Variants in ARLN observed in about 807,000 individuals in gnomAD.
ARLN encodes allregulin.
the ARLN span, among the ~76,000 whole-genome samples, chr4:119,299,150 G>A: frequency 5.9e-5 from 9 of 152,014 alleles, no homozygotes; most frequent in African/African-American, 9.7e-5. Flanking sequence ...ATAGTGGCAC[G>A]TTCACAGCTC....
At chr4:119,300,022 C>T in the ARLN span, among the ~76,000 whole-genome samples, 3 of 152,046 alleles carry the variant, frequency 2.0e-5, no homozygotes, top group African/African-American at 4.8e-5. Flanking sequence ...AAAAATAAAG[C>T]TCCAAAAGGC....
the ARLN span, chr4:119,300,208 C>T: frequency 4.0e-6 from 3 of 753,206 alleles, no homozygotes; most frequent in Non-Finnish European, 4.5e-6. Context: ...CACCCGACTG[C>T]GCCACTCACC....
chr4:119,300,542 C>T, the ARLN span: 1 of 1,614,192 alleles, frequency 6.2e-7, no homozygotes, highest in Non-Finnish European at 8.5e-7. Context: ...CCATCTCGCT[C>T]CTGCAGCTTC....
At chr4:119,302,033 C>T in the ARLN span, among the ~76,000 whole-genome samples, 1 of 152,160 alleles carries the variant, frequency 6.6e-6, no homozygotes, top group African/African-American at 2.4e-5. Flanking sequence ...GCTTAAGTGG[C>T]ATTGAATCTT....
the ARLN span, chr4:119,298,608 C>A: frequency 2.0e-6 from 1 of 502,958 alleles, no homozygotes; most frequent in Non-Finnish European, 3.6e-6. Flanking sequence ...AAATCCTACC[C>A]AATTAATAGA....
chr4:119,299,838 T>C, the ARLN span, among the ~76,000 whole-genome samples: 2 of 152,182 alleles, frequency 1.3e-5, no homozygotes, highest in Non-Finnish European at 2.9e-5. Context: ...AGTTCAGTTT[T>C]GGACATGTTT....
the ARLN span, chr4:119,298,253 CATA>C: frequency 6.6e-6 from 1 of 152,206 alleles, no homozygotes; most frequent in Non-Finnish European, 1.5e-5. Flanking sequence ...CCTATCTTTT[CATA>C]ACAGAGTCCA....
chr4:119,304,268 A>ACTT, the ARLN span: 1 of 1,536,440 alleles, frequency 6.5e-7, no homozygotes. Context: ...TTCACATTTA[A>ACTT]CTTGTCTCCA....
At chr4:119,300,712 C>G in the ARLN span, 1 of 1,526,944 alleles carries the variant, frequency 6.5e-7, no homozygotes, top group Non-Finnish European at 8.8e-7. Context: ...CCTGGCTCGG[C>G]TTTCCGCTGC....
At chr4:119,300,966 GC>G in the ARLN span, 4 of 642,396 alleles carry the variant, frequency 6.2e-6, no homozygotes, top group Non-Finnish European at 1.0e-5. Flanking sequence ...TGTTAGGAAG[GC>G]CCCCTCTGGT....
At chr4:119,298,517 C>T in the ARLN span, 9 of 384,270 alleles carry the variant, frequency 2.3e-5, no homozygotes, top group Non-Finnish European at 4.2e-5. Flanking sequence ...ATATTCAGCC[C>T]CTGTAAAGCC....
chr4:119,303,003 T>A, the ARLN span, among the ~76,000 whole-genome samples: 1 of 152,188 alleles, frequency 6.6e-6, no homozygotes, highest in African/African-American at 2.4e-5. Context: ...TTAAATTAAT[T>A]TTATAGAATA....
chr4:119,300,299 C>T, the ARLN span: 1 of 1,539,508 alleles, frequency 6.5e-7, no homozygotes. Flanking sequence ...GATCTCTAAG[C>T]TCCTTACCAC....
chr4:119,297,241 T>C, the ARLN span: 1 of 152,190 alleles, frequency 6.6e-6, no homozygotes, highest in African/African-American at 2.4e-5. Context: ...AACTTTATAG[T>C]CAGCAATTAT....
At chr4:119,303,276 C>T in the ARLN span, among the ~76,000 whole-genome samples, 1 of 147,344 alleles carries the variant, frequency 6.8e-6, no homozygotes, top group East Asian at 2.0e-4. Flanking sequence ...CTCTGTCGCC[C>T]AGGCTGGAGT....
chr4:119,304,190 AT>A, the ARLN span: 1 of 1,346,170 alleles, frequency 7.4e-7, no homozygotes, highest in Admixed American at 2.2e-5. Context: ...ACTTCATAAA[AT>A]TTCCTTCACT....
chr4:119,298,566 T>C, the ARLN span: 10 of 454,328 alleles, frequency 2.2e-5, no homozygotes, highest in South Asian at 4.8e-4. Context: ...AACCAAAGGG[T>C]TTAATTTTAA....
chr4:119,300,236 CATATAT>C, the ARLN span: 1 of 949,400 alleles, frequency 1.1e-6, no homozygotes, highest in Non-Finnish European at 1.6e-6. Flanking sequence ...TGATCTTGGA[CATATAT>C]AAACTCTCTG....
chr4:119,300,691 G>A, the ARLN span: 3 of 1,532,768 alleles, frequency 2.0e-6, no homozygotes, highest in Non-Finnish European at 2.6e-6. Flanking sequence ...ACTCTTCCCA[G>A]CGCGCAGGCG....
Sources: gnomAD v4.1 joint callset for allele counts (sites outside exome capture counted in the v4.1 genomes callset) on GRCh38, gnomAD v4.1.1 for gene constraint, MANE v1.5 for transcripts, NCBI Gene and HGNC (gene_info 2026-07-23, HGNC 2026-07-21) for gene names.